Variants in POT1 observed in about 807,000 individuals in gnomAD.
The protein encoded by POT1 is protection of telomeres protein 1.
In POT1, 47 loss-of-function variants were observed where a neutral mutation model predicts 78.5. The observed-to-expected ratio is 0.60, with a 90% CI of 0.47 to 0.76. POT1 has a LOEUF of 0.76. POT1 is among the 30% of genes least tolerant of loss of function. The pLI is 0.00. For synonymous variants in POT1, 259 were observed against 260.7 expected (o/e 0.99, Z 0.06); for missense variants, 646 against 749.9 (o/e 0.86, Z 1.62).
chr7:124,842,092 A>C (rs1200562924), intron 13 of POT1, among the ~76,000 whole-genome samples: 1 of 152,052 alleles, frequency 6.6e-6, no homozygotes, highest in Non-Finnish European at 1.5e-5. Flanking sequence ...AGATATTTAC[A>C]CATTGTAGCA....
At chr7:124,850,852 G>A (rs1247015631) in intron 11 of POT1, among the ~76,000 whole-genome samples, 3 of 150,958 alleles carry the variant, frequency 2.0e-5, no homozygotes, top group Non-Finnish European at 4.4e-5. Flanking sequence ...GATGGAAAGA[G>A]AATACATCTC....
intron 15 of POT1, among the ~76,000 whole-genome samples, chr7:124,830,554 T>A (rs1037952774): frequency 1.3e-5 from 2 of 152,030 alleles, no homozygotes; most frequent in Admixed American, 6.6e-5. Context: ...AAAGTTAGTA[T>A]AAAAATTAAA....
intron 7 of POT1, among the ~76,000 whole-genome samples, chr7:124,865,559 T>C (rs1795699376): frequency 6.6e-6 from 1 of 151,970 alleles, no homozygotes; most frequent in Non-Finnish European, 1.5e-5. Context: ...AGATTTTTCA[T>C]TTGTTCTTTT....
intron 11 of POT1, among the ~76,000 whole-genome samples, chr7:124,850,682 G>C (rs915697273): frequency 1.3e-5 from 2 of 151,698 alleles, no homozygotes; most frequent in African/African-American, 4.8e-5. Context: ...AGTGAGCAGA[G>C]ATCGCGCTAG....
rs1187946222 is a variant in POT1, at chr7:124,841,062, T to G, written c.1280A>C (p.Lys427Thr). ...SLYDSKIWTT[K>T]NQKGRKVAVH... ...TGCTACTTTTCGTCCTTTTTGATTT[T>G]TAGTGGTCCAGATTTTTGAATCATA... Residue 427 changes from lysine to threonine, a missense_variant, in exon 14 of 19, where the codon AAA becomes ACA. By Grantham distance (78) the Lys-to-Thr change is moderately conservative (BLOSUM62 -1). Coordinates refer to ENST00000357628, the MANE Select transcript of POT1 (RefSeq NM_015450.3). 8.7e-6 allele frequency: 14 copies of G among 1,612,836 alleles called. No individual in the cohort carries two copies. Among genetic ancestry groups the G allele is most frequent in the Non-Finnish European group, 1.2e-5 (14 of 1,179,112 alleles).
intron 12 of POT1, among the ~76,000 whole-genome samples, chr7:124,843,433 A>G (rs1472771529): frequency 1.3e-5 from 2 of 152,232 alleles, no homozygotes; most frequent in Non-Finnish European, 2.9e-5. Flanking sequence ...AAGAATAGGA[A>G]GGGACATTAA....
At position 124,846,225 on chromosome 7, in the gene POT1, C is replaced by G. The variant is rs143483873; in HGVS notation, c.1006+717G>C. 1.1e-4 allele frequency among the ~76,000 whole-genome samples: 16 copies of G among 151,628 alleles called. No homozygotes were observed. The East Asian group carries it at 3.1e-3, about 29-fold the overall frequency. On this transcript the variant is annotated intron_variant, in intron 12 of 18. Transcript: ENST00000357628. ...AAATGTGTACACGTGTGAATATATG[C>G]GTATCATACATACACACAGCTACAT...
At chr7:124,857,655 A>C (rs1795479480) in intron 9 of POT1, among the ~76,000 whole-genome samples, 1 of 152,140 alleles carries the variant, frequency 6.6e-6, no homozygotes, top group Admixed American at 6.5e-5. Flanking sequence ...AGAGGGCCAG[A>C]CTTCAAGGTA....
At chr7:124,861,064 C>T (rs1327493629) in intron 8 of POT1, among the ~76,000 whole-genome samples, 1 of 152,192 alleles carries the variant, frequency 6.6e-6, no homozygotes, top group African/African-American at 2.4e-5. Context: ...CCACAATAAA[C>T]ATACGTGTGC....
At position 124,879,807 on chromosome 7, in the gene POT1, T is replaced by C. The variant is rs1235363371; in HGVS notation, c.125-8766A>G. Among the ~76,000 whole-genome samples the C allele has an allele frequency of 4.6e-5, 7 of 152,250 alleles. No homozygotes were observed. The South Asian group carries it at 8.3e-4, about 18-fold the overall frequency. On this transcript the variant is annotated intron_variant, in intron 6 of 18. Transcript: ENST00000357628. ...CACTTCTCTATTTGTACTTCACCTA[T>C]GTAAAAGTTAATTCCTACTACATAC...
At chr7:124,900,991 G>C (rs1796605692) in intron 3 of POT1, among the ~76,000 whole-genome samples, 1 of 152,292 alleles carries the variant, frequency 6.6e-6, no homozygotes, top group African/African-American at 2.4e-5. Flanking sequence ...GGTAAACAAA[G>C]CGGCTGGGAA....
intron 5 of POT1, among the ~76,000 whole-genome samples, chr7:124,895,241 A>T (rs912743430): frequency 6.6e-6 from 1 of 151,668 alleles, no homozygotes; most frequent in African/African-American, 2.4e-5. Flanking sequence ...CAGCACAGGC[A>T]TATGTCCATG....
At chr7:124,853,607 T>G (rs1258703390) in intron 9 of POT1, 1 of 152,144 alleles carries the variant, frequency 6.6e-6, no homozygotes, top group African/African-American at 2.4e-5. Flanking sequence ...AGAAGAAATT[T>G]TAAATATGGT....
rs1455196871 is a variant in POT1 at position 124,822,395 on chromosome 7, G to A, written c.*1567C>T. The A allele has an allele frequency of 3.2e-6, 1 of 315,166 alleles. No individual in the cohort carries two copies. Among genetic ancestry groups the A allele is most frequent in the African/African-American group, 2.2e-5 (1 of 46,502 alleles). The allele number at this position is 315,166 out of a possible 1,614,324, so 19.5% of individuals were successfully genotyped here. A position where few individuals can be genotyped will look rare whatever the true frequency, so the allele number is the denominator to read the frequency against. On this transcript the variant is annotated 3_prime_UTR_variant, in exon 19 of 19. Transcript: ENST00000357628. ...AATAAACCAAAAGAAATCATGATAA[G>A]GTGGATGTTTATTTAAAACAAAAAT... is the stretch of plus-strand genomic sequence containing the variant.
chr7:124,903,315 C>T (rs952665761), intron 3 of POT1, among the ~76,000 whole-genome samples: 4 of 152,140 alleles, frequency 2.6e-5, no homozygotes, highest in Admixed American at 6.6e-5. Flanking sequence ...GAAATTATAA[C>T]AAACTGTCTT....
At chr7:124,882,028 A>T (rs1185309172) in intron 6 of POT1, among the ~76,000 whole-genome samples, 1 of 151,994 alleles carries the variant, frequency 6.6e-6, no homozygotes, top group Non-Finnish European at 1.5e-5. Flanking sequence ...AACAAATGAT[A>T]AATTAAGTTT....
At chr7:124,886,425 G>A (rs1796244904) in intron 6 of POT1, among the ~76,000 whole-genome samples, 1 of 151,918 alleles carries the variant, frequency 6.6e-6, no homozygotes, top group Non-Finnish European at 1.5e-5. Flanking sequence ...TACTAATGAA[G>A]GTTATCTTTT....
At position 124,861,239 on chromosome 7, in the gene POT1, C is replaced by T. The variant is rs993912407; in HGVS notation, c.546+2111G>A. 2.0e-5 allele frequency among the ~76,000 whole-genome samples: 3 copies of T among 152,168 alleles called. No homozygotes were observed. In the East Asian group the frequency reaches 5.8e-4, roughly 29 times the overall value. On this transcript the variant is annotated intron_variant, in intron 8 of 18. Transcript: ENST00000357628. ...CTCCCACCAACAGTGTAAAAGCGCT[C>T]CTTTTTCTCCACATCCTCTCCAGCA... is the stretch of plus-strand genomic sequence containing the variant.
chr7:124,870,540 T>C (rs574840176), intron 7 of POT1, among the ~76,000 whole-genome samples: 1 of 152,144 alleles, frequency 6.6e-6, no homozygotes, highest in Non-Finnish European at 1.5e-5. Flanking sequence ...TCCTAATCTT[T>C]GTATACATTT....
Sources: gnomAD v4.1 joint callset for allele counts (sites outside exome capture counted in the v4.1 genomes callset) on GRCh38, gnomAD v4.1.1 for gene constraint, MANE v1.5 for transcripts, NCBI Gene and HGNC (gene_info 2026-07-23, HGNC 2026-07-21) for gene names.